The following COL13A1 variants were observed in gnomAD, a reference collection of about 807,000 sequenced individuals.
COL13A1 encodes the protein collagen alpha-1(XIII) chain.
A neutral mutation model predicts 130.9 loss-of-function variants in COL13A1; 89 were observed. The ratio of observed to expected loss-of-function variants is 0.68; its 90% confidence interval spans 0.57 to 0.81. The LOEUF (loss-of-function observed/expected upper bound fraction) is 0.81, where lower values mean the gene tolerates loss of function less well. Among genes scored for constraint, COL13A1 ranks in the 30% least tolerant of loss-of-function variants. The pLI is 0.00. For synonymous variants in COL13A1, 402 were observed against 341.6 expected, an observed-to-expected ratio of 1.18 and a Z score of -1.95; for missense variants, 879 against 934.6, an observed-to-expected ratio of 0.94 and a Z score of 0.78.
chr10:69,945,309 T>C (rs2068329986), intron 36 of COL13A1, among the ~76,000 whole-genome samples: 1 of 152,238 alleles, frequency 6.6e-6, no homozygotes, highest in African/African-American at 2.4e-5. Context: ...GAGGTGACCC[T>C]TGAGGCTCTG....
chr10:69,824,084 A>G (rs1846862936), intron 2 of COL13A1: 1 of 472,114 alleles, frequency 2.1e-6, no homozygotes, highest in Non-Finnish European at 4.4e-6. Flanking sequence ...TCCATCTCCA[A>G]CATGGACCAG....
intron 9 of COL13A1, 26 bp downstream of exon 9, chr10:69,888,356 A>C (rs1387846366): frequency 6.2e-7 from 1 of 1,609,900 alleles, no homozygotes; most frequent in South Asian, 1.1e-5. Flanking sequence ...CTCTCCCCTC[A>C]CTGCAGGTCA....
intron 1 of COL13A1, among the ~76,000 whole-genome samples, chr10:69,816,553 C>T (rs187087888): frequency 2.7e-3 from 407 of 152,074 alleles, no homozygotes; most frequent in Admixed American, 4.7e-3. Context: ...GAGCCAGTGT[C>T]TAGAGAAAGA....
At chr10:69,881,297 G>A (rs2060114378) in intron 7 of COL13A1, among the ~76,000 whole-genome samples, 1 of 152,110 alleles carries the variant, frequency 6.6e-6, no homozygotes, top group South Asian at 2.1e-4. Context: ...GCTCAGAGAG[G>A]GGGAGCGCCC....
At chr10:69,844,787 T>C (rs1429129207) in intron 2 of COL13A1, among the ~76,000 whole-genome samples, 1 of 152,236 alleles carries the variant, frequency 6.6e-6, no homozygotes, top group East Asian at 1.9e-4. Flanking sequence ...GTAAAGTACA[T>C]ATGCCAGGTG....
At chr10:69,921,643 G>A (rs370849770) in intron 21 of COL13A1, among the ~76,000 whole-genome samples, 31 of 152,318 alleles carry the variant, frequency 2.0e-4, no homozygotes, top group East Asian at 1.7e-3. Context: ...ACAAGGGCCC[G>A]GGCCACATGG....
At chr10:69,857,857 C>T in intron 2 of COL13A1, among the ~76,000 whole-genome samples, 1 of 152,156 alleles carries the variant, frequency 6.6e-6, no homozygotes, top group East Asian at 1.9e-4. Flanking sequence ...GTGGCTCGTG[C>T]CTGTAATCCC....
At chr10:69,845,515 C>T (rs1441726280) in intron 2 of COL13A1, among the ~76,000 whole-genome samples, 1 of 152,008 alleles carries the variant, frequency 6.6e-6, no homozygotes, top group Non-Finnish European at 1.5e-5. Flanking sequence ...CTTACACCCT[C>T]TAAATACCCC....
At chr10:69,843,084 G>A (rs1852039474) in intron 2 of COL13A1, among the ~76,000 whole-genome samples, 1 of 152,156 alleles carries the variant, frequency 6.6e-6, no homozygotes. Context: ...CAGTGCTGGA[G>A]GGTGGGGGTT....
intron 2 of COL13A1, among the ~76,000 whole-genome samples, chr10:69,832,560 G>T (rs761543829): frequency 3.3e-5 from 5 of 152,210 alleles, no homozygotes; most frequent in Admixed American, 6.5e-5. Flanking sequence ...GAGTTGGACT[G>T]GTGCACAATC....
intron 1 of COL13A1, among the ~76,000 whole-genome samples, chr10:69,814,112 G>T (rs1004236576): frequency 6.6e-6 from 1 of 152,220 alleles, no homozygotes; most frequent in Non-Finnish European, 1.5e-5. Flanking sequence ...TGATCAAAAG[G>T]CCTCTAGCAG....
At chr10:69,888,530 A>G (rs1204443929) in intron 9 of COL13A1, among the ~76,000 whole-genome samples, 200 bp downstream of exon 9, 1 of 152,188 alleles carries the variant, frequency 6.6e-6, no homozygotes, top group Non-Finnish European at 1.5e-5. Flanking sequence ...ACAGGTCCCC[A>G]GCTGCTGAGC....
chr10:69,899,589 AAGGGAATTTGTGG>A (rs2061987362), intron 14 of COL13A1, among the ~76,000 whole-genome samples: 2 of 152,220 alleles, frequency 1.3e-5, no homozygotes, highest in Non-Finnish European at 2.9e-5. Flanking sequence ...TTTGGGGAGC[AAGGGAATTTGTGG>A]AGGGAATGTA....
intron 3 of COL13A1, 125 bp downstream of exon 3, chr10:69,867,930 C>T: frequency 1.5e-6 from 1 of 666,688 alleles, no homozygotes; most frequent in Non-Finnish European, 2.8e-6. Flanking sequence ...ATGCAGGCTC[C>T]TGAGGGGTCC....
At chr10:69,807,403 A>C (rs1841877898) in intron 1 of COL13A1, among the ~76,000 whole-genome samples, 1 of 152,138 alleles carries the variant, frequency 6.6e-6, no homozygotes, top group South Asian at 2.1e-4. Context: ...CCCCAGGCAG[A>C]CTCCTTCATC....
At chr10:69,938,268 G>A (rs1589653922) in intron 34 of COL13A1, among the ~76,000 whole-genome samples, 1 of 152,184 alleles carries the variant, frequency 6.6e-6, no homozygotes, top group South Asian at 2.1e-4. Flanking sequence ...CCAGGTCAGA[G>A]GTGGGGAGCT....
At chr10:69,829,027 G>T (rs930522380) in intron 2 of COL13A1, among the ~76,000 whole-genome samples, 4 of 152,030 alleles carry the variant, frequency 2.6e-5, no homozygotes, top group Non-Finnish European at 5.9e-5. Flanking sequence ...TGCCATCTCC[G>T]CCTGGATCCT....
intron 3 of COL13A1, 102 bp from the exon 4 acceptor site, chr10:69,872,082 C>A: frequency 7.3e-7 from 1 of 1,366,068 alleles, no homozygotes; most frequent in Non-Finnish European, 1.0e-6. Flanking sequence ...CAAAGGCTTA[C>A]CCAAGTGGCA....
intron 38 of COL13A1, among the ~76,000 whole-genome samples, chr10:69,948,769 G>A (rs549394444): frequency 9.7e-4 from 147 of 152,284 alleles, no homozygotes; most frequent in Middle Eastern, 3.4e-3. Context: ...TTCAAGGGAC[G>A]GTGACCATGT....
Sources: gnomAD v4.1 joint callset for allele counts (sites outside exome capture counted in the v4.1 genomes callset) on GRCh38, gnomAD v4.1.1 for gene constraint, MANE v1.5 for transcripts, NCBI Gene and HGNC (gene_info 2026-07-23, HGNC 2026-07-21) for gene names.